The following MANBA variants were observed in gnomAD, a reference collection of about 807,000 sequenced individuals.
MANBA encodes the protein mannosidase beta.
MANBA carries 83 observed loss-of-function variants against 111.1 expected under a neutral mutation model. The ratio of observed to expected loss-of-function variants is 0.75; its 90% confidence interval spans 0.63 to 0.90. The LOEUF (loss-of-function observed/expected upper bound fraction) is 0.90, where lower values mean the gene tolerates loss of function less well. Among genes scored for constraint, MANBA ranks in the 40% least tolerant of loss-of-function variants. MANBA has a pLI of 0.00. For synonymous variants in MANBA, 370 were observed against 378.7 expected (o/e 0.98, Z 0.27); for missense variants, 1,036 against 1,069.0 (o/e 0.97, Z 0.43).
At chr4:102,749,175 T>C (rs1723695992) in intron 1 of MANBA, among the ~76,000 whole-genome samples, 1 of 152,126 alleles carries the variant, frequency 6.6e-6, no homozygotes, top group East Asian at 1.9e-4. Context: ...GCTTTTATTA[T>C]AAATAGGTAA....
intron 5 of MANBA, among the ~76,000 whole-genome samples, chr4:102,699,319 T>C (rs1490891753): frequency 1.3e-5 from 2 of 151,068 alleles, no homozygotes; most frequent in South Asian, 2.1e-4. Flanking sequence ...ACAATTTGAC[T>C]TCCTCTTTTC....
intron 1 of MANBA, among the ~76,000 whole-genome samples, chr4:102,743,182 A>G (rs1324750972): frequency 6.6e-6 from 1 of 152,254 alleles, no homozygotes; most frequent in Non-Finnish European, 1.5e-5. Flanking sequence ...TTGACCATTC[A>G]GAGAGGTCCA....
At chr4:102,638,260 G>GA (rs373961343) in intron 14 of MANBA, among the ~76,000 whole-genome samples, 36 of 151,636 alleles carry the variant, frequency 2.4e-4, no homozygotes, top group Admixed American at 5.9e-4. Context: ...CCTGTCTCCA[G>GA]AAAAAAAATA....
intron 5 of MANBA, among the ~76,000 whole-genome samples, chr4:102,710,733 C>T (rs1722023021): frequency 6.6e-6 from 1 of 151,912 alleles, no homozygotes; most frequent in African/African-American, 2.4e-5. Context: ...GAAGGCATCA[C>T]ACTACCTGAA....
intron 1 of MANBA, chr4:102,729,149 C>CT: frequency 1.4e-6 from 1 of 726,254 alleles, no homozygotes; most frequent in Non-Finnish European, 2.6e-6. Context: ...AGCCAGCCCC[C>CT]TGTGCTGCAG....
At chr4:102,664,659 C>T (rs758318461) in intron 11 of MANBA, 26 bp downstream of exon 11, 2 of 1,588,418 alleles carry the variant, frequency 1.3e-6, no homozygotes, top group Non-Finnish European at 1.7e-6. Context: ...TTCTTAAATT[C>T]TACTGCATTA....
At chr4:102,658,272 G>T (rs528682625) in intron 11 of MANBA, among the ~76,000 whole-genome samples, 1 of 152,144 alleles carries the variant, frequency 6.6e-6, no homozygotes, top group Admixed American at 6.5e-5. Flanking sequence ...GGGGTTGGGG[G>T]TGTCTTATGC....
At chr4:102,715,045 C>T (rs931897059) in intron 4 of MANBA, among the ~76,000 whole-genome samples, 1 of 152,196 alleles carries the variant, frequency 6.6e-6, no homozygotes, top group African/African-American at 2.4e-5. Flanking sequence ...GTGTGCCCCC[C>T]AACCACCATA....
intron 7 of MANBA, chr4:102,679,539 A>C (rs1187596803): frequency 6.6e-6 from 1 of 152,066 alleles, no homozygotes; most frequent in Non-Finnish European, 1.5e-5. Flanking sequence ...ATAAAATTAT[A>C]AACAAAGGGA....
At chr4:102,694,125 C>A (rs1378347974) in intron 5 of MANBA, among the ~76,000 whole-genome samples, 1 of 152,156 alleles carries the variant, frequency 6.6e-6, no homozygotes, top group Non-Finnish European at 1.5e-5. Flanking sequence ...GTTTCTCTTG[C>A]TTTGAACTTG....
chr4:102,696,526 T>C (rs1732714586), intron 5 of MANBA, among the ~76,000 whole-genome samples: 1 of 152,146 alleles, frequency 6.6e-6, no homozygotes, highest in African/African-American at 2.4e-5. Context: ...AGATAAAATA[T>C]ACCCAAGTGT....
At chr4:102,734,467 T>C (rs1723137344) in intron 1 of MANBA, 12 of 1,601,466 alleles carry the variant, frequency 7.5e-6, no homozygotes. Flanking sequence ...CTCATCTGTG[T>C]GCTGGCCATC....
chr4:102,634,900 C>G lies in MANBA; in HGVS notation c.2303G>C (p.Ser768Thr), dbSNP rs1729550067. The change falls in exon 16 of 17, where the codon AGC (serine) becomes ACC (threonine). Residue 768 changes from serine (S) to threonine (T), a missense_variant. Physicochemically the swap from Ser to Thr is moderately conservative, Grantham distance 58. Transcript: ENST00000647097. ...LRRCGNCTRE[S>T]CVVSFYLSAD... ...TGAAAGGTAAAAGGAAACCACACAG[C>G]TTTCCCGTGTGCAATTCCCACATCT... The G allele has an allele frequency of 6.2e-7, 1 of 1,614,136 alleles. No individual in the cohort carries two copies. Among genetic ancestry groups the G allele is most frequent in the Non-Finnish European group, 8.5e-7 (1 of 1,180,058 alleles).
At chr4:102,747,381 C>A (rs1205022507) in intron 1 of MANBA, among the ~76,000 whole-genome samples, 1 of 152,160 alleles carries the variant, frequency 6.6e-6, no homozygotes, top group East Asian at 1.9e-4. Context: ...CTTCTGCCTG[C>A]TTTTTATTCT....
intron 1 of MANBA, among the ~76,000 whole-genome samples, chr4:102,736,287 G>A (rs1431452959): frequency 6.6e-6 from 1 of 152,166 alleles, no homozygotes; most frequent in Admixed American, 6.5e-5. Flanking sequence ...TAAACATGCC[G>A]TGTGTGCCTC....
At chr4:102,732,600 G>A (rs1723069585) in intron 1 of MANBA, among the ~76,000 whole-genome samples, 1 of 152,214 alleles carries the variant, frequency 6.6e-6, no homozygotes, top group Admixed American at 6.5e-5. Context: ...TAAGCTACTA[G>A]AGGAGAGAGT....
At chr4:102,641,637 C>T (rs1353012084) in intron 13 of MANBA, among the ~76,000 whole-genome samples, 2 of 152,124 alleles carry the variant, frequency 1.3e-5, no homozygotes, top group African/African-American at 4.8e-5. Context: ...ATTGGTGCCA[C>T]CTCAAAATGA....
chr4:102,690,374 TTAA>T (rs1732417048), intron 6 of MANBA, among the ~76,000 whole-genome samples: 1 of 152,132 alleles, frequency 6.6e-6, no homozygotes, highest in African/African-American at 2.4e-5. Flanking sequence ...AATTGCCAAA[TTAA>T]TAATATATTC....
intron 4 of MANBA, among the ~76,000 whole-genome samples, chr4:102,715,904 T>C (rs1257591870): frequency 2.0e-5 from 3 of 152,238 alleles, no homozygotes; most frequent in African/African-American, 7.2e-5. Context: ...GCTTACTACA[T>C]TGAAGCAACT....
Sources: allele counts gnomAD v4.1 joint callset (sites outside exome capture counted in the v4.1 genomes callset), GRCh38; gene constraint gnomAD v4.1.1; transcripts MANE v1.5; gene names NCBI Gene and HGNC (gene_info 2026-07-23, HGNC 2026-07-21).